Variants in BAZ1A observed in about 807,000 individuals in gnomAD.
BAZ1A encodes the protein bromodomain adjacent to zinc finger domain 1A.
BAZ1A carries 50 observed loss-of-function variants against 185.2 expected under a neutral mutation model. That is an observed-to-expected ratio of 0.27 (90% CI 0.22 to 0.34). BAZ1A has a LOEUF of 0.34. Among genes scored for constraint, BAZ1A ranks in the 10% least tolerant of loss-of-function variants. The pLI is 1.00. For missense variants in BAZ1A, 1,356 were observed against 1,839.9 expected (o/e 0.74, Z 4.81); for synonymous variants, 571 against 615.6 (o/e 0.93, Z 1.07).
chr14:34,772,087 T>A (rs554157368), intron 20 of BAZ1A, among the ~76,000 whole-genome samples: 3 of 152,152 alleles, frequency 2.0e-5, no homozygotes, highest in African/African-American at 7.2e-5. Flanking sequence ...CCTGAGTAGC[T>A]GGGACTACAG....
At chr14:34,759,697 C>CA (rs1222548930) in intron 24 of BAZ1A, among the ~76,000 whole-genome samples, 1 of 151,596 alleles carries the variant, frequency 6.6e-6, no homozygotes, top group Non-Finnish European at 1.5e-5. Flanking sequence ...ATTTTTGAGA[C>CA]AGAGTCTTGC....
intron 3 of BAZ1A, among the ~76,000 whole-genome samples, chr14:34,837,881 A>C (rs2042353969): frequency 6.6e-6 from 1 of 152,204 alleles, no homozygotes; most frequent in Admixed American, 6.5e-5. Flanking sequence ...AGACAACAAC[A>C]CATTAAATAT....
intron 2 of BAZ1A, among the ~76,000 whole-genome samples, chr14:34,871,790 G>T (rs1197744437): frequency 1.3e-5 from 2 of 152,320 alleles, no homozygotes; most frequent in Middle Eastern, 3.4e-3. Flanking sequence ...GAGAATGCTT[G>T]AACCCGGGAG....
chr14:34,851,322 G>A (rs1255406869), intron 3 of BAZ1A, among the ~76,000 whole-genome samples: 1 of 122,530 alleles, frequency 8.2e-6, no homozygotes, highest in Non-Finnish European at 1.6e-5. Flanking sequence ...AACAGAGTGG[G>A]ACCCTAGCTC....
In BAZ1A at chr14:34,765,198, A is replaced by C; in HGVS notation, c.3372T>G (p.Ala1124=). 6.2e-7 allele frequency: 1 copy of C among 1,614,182 alleles called. No homozygotes were observed. The highest frequency in any genetic ancestry group is 1.3e-5 in the African/African-American group (1 of 75,062). ...GGTGAAGAAAAACTTGGGATAGACT[A>C]GCAGAAGAAAGGAGAGACTCTCTCC... is the stretch of plus-strand genomic sequence containing the variant. ...DRWRESLLSS[A]SLSQVFLHLS... Residue 1124 remains alanine (A), a synonymous_variant, in exon 22 of 27, where the codon GCT becomes GCG. Transcript: ENST00000360310.
chr14:34,821,225 TGC>T (rs1276513034), intron 4 of BAZ1A, among the ~76,000 whole-genome samples: 1 of 152,216 alleles, frequency 6.6e-6, no homozygotes, highest in Non-Finnish European at 1.5e-5. Flanking sequence ...AGCCATGTGA[TGC>T]TGGGCAAATT....
intron 3 of BAZ1A, among the ~76,000 whole-genome samples, chr14:34,859,366 T>C (rs1051239694): frequency 2.7e-5 from 4 of 149,854 alleles, no homozygotes; most frequent in Non-Finnish European, 5.9e-5. Context: ...GCTGAGAGAT[T>C]GAGGCTGCAG....
In BAZ1A at chr14:34,783,790, G is replaced by C. The variant is rs1249241504; in HGVS notation, c.1969C>G (p.Arg657Gly). 1.2e-6 allele frequency: 2 copies of C among 1,609,312 alleles called. No individual in the cohort carries two copies. Among genetic ancestry groups the C allele is most frequent in the Non-Finnish European group, 1.7e-6 (2 of 1,178,444 alleles). Reference sequence around the variant, plus strand: ...GCAGCTGCTTCTTCCCTCTCTTTTCGATGTTGTTCTGCTTTTAATTCCCGG... The same window carrying C: ...GCAGCTGCTTCTTCCCTCTCTTTTCCATGTTGTTCTGCTTTTAATTCCCGG... ...EFRELKAEQH[R>G]KEREEAAARI... Residue 657 changes from arginine (R) to glycine (G), a missense_variant, in exon 15 of 27, where the codon CGA becomes GGA. Coordinates refer to ENST00000360310, the MANE Select transcript of BAZ1A (RefSeq NM_013448.3).
rs759795215 is a variant in BAZ1A at position 34,776,229 on chromosome 14, A to C, written c.2523T>G (p.Pro841=). 1.5e-5 allele frequency: 25 copies of C among 1,613,982 alleles called. No individual in the cohort carries two copies. Among genetic ancestry groups the C allele is most frequent in the Non-Finnish European group, 2.1e-5 (25 of 1,179,954 alleles). Reference sequence around the variant, plus strand: ...ACTGTACATTATTCTGAAATGATGAAGGTCTAGGCAACAGCATGTCTTCAG... The same window carrying C: ...ACTGTACATTATTCTGAAATGATGACGGTCTAGGCAACAGCATGTCTTCAG... ...GLTEDMLLPR[P]SSFQNNVQSQ... The change falls in exon 18 of 27, where the codon CCT becomes CCG. Residue 841 remains proline, a synonymous_variant. Transcript: ENST00000360310.
intron 5 of BAZ1A, 94 bp downstream of exon 5, chr14:34,810,841 C>T (rs925881024): frequency 2.4e-6 from 2 of 831,028 alleles, no homozygotes; most frequent in South Asian, 1.5e-5. Context: ...AAAGCAATCA[C>T]AGTACTTCCC....
chr14:34,784,056 A>C, intron 14 of BAZ1A, 129 bp from the exon 15 acceptor site: 1 of 825,190 alleles, frequency 1.2e-6, no homozygotes, highest in Non-Finnish European at 1.8e-6. Flanking sequence ...CAAACATGTC[A>C]ATGACATGTC....
chr14:34,773,090 A>C (rs1025015082), intron 20 of BAZ1A, among the ~76,000 whole-genome samples: 1 of 152,104 alleles, frequency 6.6e-6, no homozygotes, highest in Non-Finnish European at 1.5e-5. Flanking sequence ...AATTAAAAAA[A>C]AGAGAGACAG....
Position 34,802,861 on chromosome 14 carries a change from A to G in BAZ1A, c.854T>C (p.Ile285Thr). 1 of 1,612,860 alleles carries G rather than the reference A, an allele frequency of 6.2e-7. No homozygotes were observed. The highest frequency in any genetic ancestry group is 8.5e-7 in the Non-Finnish European group (1 of 1,179,212). The part of the protein sequence containing the change: ...RRGRPPKRIH[I>T]SQEDNVANKQ... ...AATCAATTCTGTACTTACTTGACTA[A>G]TATGTATTCGTTTGGGAGGTCTCCC... Residue 285 changes from isoleucine to threonine, a missense_variant, in exon 7 of 27, where the codon ATT becomes ACT. Ile to Thr is a moderately conservative substitution (Grantham distance 89). This residue lies in a region of BAZ1A where 332 missense variants were observed against 395.3 expected (regional missense o/e 0.84). Coordinates refer to ENST00000360310, the MANE Select transcript of BAZ1A (RefSeq NM_013448.3).
At chr14:34,815,372 T>C (rs1424238720) in intron 4 of BAZ1A, among the ~76,000 whole-genome samples, 1 of 152,212 alleles carries the variant, frequency 6.6e-6, no homozygotes, top group Non-Finnish European at 1.5e-5. Flanking sequence ...ACAAGGATAA[T>C]ATTTTTAAAA....
chr14:34,764,736 T>A lies in BAZ1A; in HGVS notation c.3747A>T (p.Glu1249Asp). The A allele has an allele frequency of 1.2e-6, 2 of 1,609,264 alleles. No individual in the cohort carries two copies. The highest frequency in any genetic ancestry group is 2.2e-5 in the East Asian group (1 of 44,844). ...CTTCTTCCTCTTCTTGAGAGTCATC[T>A]TCATCTTGTTCTACCTCATACTCTT... ...EEEEYEVEQD[E>D]DDSQEEEEVS... The change falls in exon 23 of 27, where the codon GAA (glutamate) becomes GAT (aspartate). Residue 1249 changes from glutamate to aspartate, a missense_variant. Glu to Asp is a conservative substitution (Grantham distance 45). This residue lies in a region of BAZ1A where 309 missense variants were observed against 355.3 expected (regional missense o/e 0.87). Transcript: ENST00000360310.
At chr14:34,783,351 T>C (rs1374607690) in intron 15 of BAZ1A, 119 bp from the exon 16 acceptor site, 2 of 632,600 alleles carry the variant, frequency 3.2e-6, no homozygotes, top group Admixed American at 3.2e-5. Context: ...AACTATAATG[T>C]AGTAATCATT....
chr14:34,801,246 C>A, intron 7 of BAZ1A, 53 bp from the exon 8 acceptor site: 1 of 1,297,154 alleles, frequency 7.7e-7, no homozygotes, highest in Middle Eastern at 2.0e-4. Flanking sequence ...GAATAAAAAG[C>A]AAAAAATTTA....
chr14:34,810,888 A>C, intron 5 of BAZ1A, 47 bp downstream of exon 5: 1 of 1,346,454 alleles, frequency 7.4e-7, no homozygotes. Context: ...TCTAACATAC[A>C]TAATTATTCT....
chr14:34,871,903 T>C (rs2042954541), intron 2 of BAZ1A, among the ~76,000 whole-genome samples: 1 of 152,152 alleles, frequency 6.6e-6, no homozygotes, highest in African/African-American at 2.4e-5. Flanking sequence ...GTTTCCGTCA[T>C]AGTTTTTCCA....
Sources: allele counts gnomAD v4.1 joint callset (sites outside exome capture counted in the v4.1 genomes callset), GRCh38; gene constraint gnomAD v4.1.1; regional missense constraint gnomAD v4.1.1; transcripts MANE v1.5; gene names NCBI Gene and HGNC (gene_info 2026-07-23, HGNC 2026-07-21).